STPG2: variants seen among roughly 807,000 people sequenced by gnomAD.
The protein encoded by STPG2 is sperm tail PG-rich repeat containing 2, also known as sperm-tail PG-rich repeat-containing protein 2.
Under a neutral mutation model 54.2 loss-of-function variants are expected in STPG2, and 56 were observed. The ratio of observed to expected loss-of-function variants is 1.03; its 90% CI spans 0.83 to 1.29. STPG2 has a LOEUF of 1.29. STPG2 is among the 50% of genes most tolerant of loss of function. The pLI is 0.00. For synonymous variants in STPG2, 200 were observed against 181.8 expected (o/e 1.10, Z -0.81); for missense variants, 596 against 544.9 (o/e 1.09, Z -0.93).
At chr4:97,833,210 A>T (rs1728523274) in intron 9 of STPG2, among the ~76,000 whole-genome samples, 1 of 152,226 alleles carries the variant, frequency 6.6e-6, no homozygotes. Flanking sequence ...AACACCACGC[A>T]TCTACAACCA....
chr4:97,868,274 G>A (rs983908737), intron 8 of STPG2, among the ~76,000 whole-genome samples: 1 of 151,870 alleles, frequency 6.6e-6, no homozygotes, highest in East Asian at 1.9e-4. Context: ...CAAATTCATG[G>A]TGGATTATTT....
At chr4:97,942,286 G>A (rs937677734) in intron 8 of STPG2, among the ~76,000 whole-genome samples, 1 of 151,730 alleles carries the variant, frequency 6.6e-6, no homozygotes, top group Admixed American at 6.6e-5. Flanking sequence ...TGACTCCTAA[G>A]CATAAAAGCA....
At chr4:97,722,406 G>A (rs935723008) in intron 9 of STPG2, among the ~76,000 whole-genome samples, 1 of 151,998 alleles carries the variant, frequency 6.6e-6, no homozygotes, top group Non-Finnish European at 1.5e-5. Context: ...AAAATGACTG[G>A]ATAATTGTAA....
At chr4:97,586,375 A>G (rs1400022922) in intron 10 of STPG2, among the ~76,000 whole-genome samples, 4 of 151,942 alleles carry the variant, frequency 2.6e-5, no homozygotes, top group African/African-American at 9.7e-5. Context: ...TCCTGGAAGG[A>G]AAAGAGAAAG....
At chr4:98,132,663 T>A (rs1171353552) in intron 2 of STPG2, among the ~76,000 whole-genome samples, 1 of 152,002 alleles carries the variant, frequency 6.6e-6, no homozygotes, top group African/African-American at 2.4e-5. Context: ...AATTAATTTC[T>A]ACTTGATAAA....
In STPG2 at chr4:97,742,932, T is replaced by C. The variant is rs1048269925; in HGVS notation, c.1205-30118A>G. ...GTTCTTATAACACACAAAAATAATA[T>C]GTAAAATGAGGGAGATGTTAATTGG... On this transcript the variant is annotated intron_variant, in intron 9 of 10. Transcript: ENST00000295268. Among the ~76,000 whole-genome samples, 8 of 151,734 alleles carry C rather than the reference T, an allele frequency of 5.3e-5. No homozygotes were observed. In the South Asian group the frequency reaches 1.2e-3, roughly 24 times the overall value.
intron 10 of STPG2, among the ~76,000 whole-genome samples, chr4:97,691,429 G>A (rs761221888): frequency 6.6e-6 from 1 of 152,028 alleles, no homozygotes; most frequent in African/African-American, 2.4e-5. Context: ...TTGGTGACCT[G>A]TATGATGTAG....
At chr4:97,655,509 A>G (rs1462034546) in intron 10 of STPG2, among the ~76,000 whole-genome samples, 1 of 152,094 alleles carries the variant, frequency 6.6e-6, no homozygotes, top group Non-Finnish European at 1.5e-5. Context: ...CTTGATTCAT[A>G]TTAATGTCAA....
At chr4:97,957,088 A>G in intron 7 of STPG2, among the ~76,000 whole-genome samples, 1 of 151,882 alleles carries the variant, frequency 6.6e-6, no homozygotes, top group Middle Eastern at 3.4e-3. Context: ...TATATGTGAA[A>G]TATACATAGG....
At chr4:97,862,117 C>T (rs527329536) in intron 8 of STPG2, among the ~76,000 whole-genome samples, 1 of 152,116 alleles carries the variant, frequency 6.6e-6, no homozygotes, top group African/African-American at 2.4e-5. Flanking sequence ...AATTAAAAGA[C>T]ACAGACTGGC....
intron 8 of STPG2, among the ~76,000 whole-genome samples, chr4:97,871,588 C>T (rs1411060964): frequency 6.6e-6 from 1 of 150,938 alleles, no homozygotes; most frequent in African/African-American, 2.4e-5. Context: ...ATACAGTTTA[C>T]TAACATCAGT....
At chr4:97,952,426 C>A (rs980379477) in intron 7 of STPG2, among the ~76,000 whole-genome samples, 1 of 152,172 alleles carries the variant, frequency 6.6e-6, no homozygotes. Context: ...ATCTGGGACT[C>A]AAGGCCTGCC....
At chr4:97,680,945 T>C (rs1272718995) in intron 10 of STPG2, among the ~76,000 whole-genome samples, 2 of 152,038 alleles carry the variant, frequency 1.3e-5, no homozygotes, top group Non-Finnish European at 1.5e-5. Context: ...TTGACTTTAA[T>C]GAATTTACCA....
intron 4 of STPG2, among the ~76,000 whole-genome samples, chr4:97,519,143 G>A (rs183313970): frequency 6.6e-6 from 1 of 152,208 alleles, no homozygotes; most frequent in Admixed American, 6.6e-5. Context: ...TTACAGAGCT[G>A]CCAATACAGA....
intron 4 of STPG2, among the ~76,000 whole-genome samples, chr4:97,513,450 C>T (rs1215157778): frequency 6.6e-6 from 1 of 151,900 alleles, no homozygotes; most frequent in Admixed American, 6.6e-5. Context: ...AAGTCCCAAC[C>T]CTCTAATCAT....
intron 9 of STPG2, among the ~76,000 whole-genome samples, chr4:97,769,995 T>C (rs1184989549): frequency 1.3e-5 from 2 of 151,946 alleles, no homozygotes. Flanking sequence ...CAGATCACTG[T>C]AGGTCAGGAG....
At chr4:98,072,552 T>C (rs1328119586) in intron 5 of STPG2, among the ~76,000 whole-genome samples, 1 of 139,822 alleles carries the variant, frequency 7.2e-6, no homozygotes, top group Non-Finnish European at 1.5e-5. Context: ...GAACTTACAA[T>C]AAAAGTTGAA....
At chr4:97,974,150 A>T (rs1283543798) in intron 6 of STPG2, among the ~76,000 whole-genome samples, 1 of 152,208 alleles carries the variant, frequency 6.6e-6, no homozygotes, top group African/African-American at 2.4e-5. Context: ...ACGGAGTCAA[A>T]GGAGACTATT....
intron 4 of STPG2, among the ~76,000 whole-genome samples, chr4:97,455,690 G>C (rs1729497834): frequency 1.3e-5 from 2 of 152,322 alleles, no homozygotes; most frequent in South Asian, 4.1e-4. Flanking sequence ...ACCAAGGCAA[G>C]AAGCCCAGGA....
Sources: allele counts gnomAD v4.1 joint callset (sites outside exome capture counted in the v4.1 genomes callset), GRCh38; gene constraint gnomAD v4.1.1; transcripts MANE v1.5; gene names NCBI Gene and HGNC (gene_info 2026-07-23, HGNC 2026-07-21).